Variants in AGO2 observed in about 807,000 individuals in gnomAD.
The protein encoded by AGO2 is argonaute RISC catalytic component 2, also known as protein argonaute-2.
AGO2 carries 5 observed loss-of-function variants against 102.3 expected under a neutral mutation model. The observed-to-expected ratio is 0.05, with a 90% CI of 0.03 to 0.10. The LOEUF is 0.10. Among genes scored for constraint, AGO2 ranks in the 10% least tolerant of loss-of-function variants. The probability of loss-of-function intolerance (pLI) is 1.00; values close to 1 mark genes in which losing one functional copy is unlikely to be tolerated. For synonymous variants in AGO2, 449 were observed against 473.1 expected (o/e 0.95, Z 0.66); for missense variants, 541 against 1,183.7 (o/e 0.46, Z 7.97).
rs1456020889 is a variant in AGO2, at chr8:140,552,477, C to T, written c.1270-1041G>A. 3.3e-5 allele frequency among the ~76,000 whole-genome samples: 5 copies of T among 152,262 alleles called. No homozygotes were observed. The East Asian group carries it at 7.7e-4, about 24-fold the overall frequency. On this transcript the variant is annotated intron_variant, in intron 10 of 18. Transcript: ENST00000220592. The stretch of plus-strand genomic sequence containing the variant: ...AAGGATGCGGCTGTGCCTGGGCTGC[C>T]GTCATTTACTCTGGAGAGGTTTTTG...
chr8:140,551,778 G>A (rs1183311424), intron 10 of AGO2, among the ~76,000 whole-genome samples: 1 of 151,530 alleles, frequency 6.6e-6, no homozygotes, highest in African/African-American at 2.4e-5. Context: ...CGGTGGATAA[G>A]ATGGGTGGGT....
intron 2 of AGO2, among the ~76,000 whole-genome samples, chr8:140,578,699 C>T (rs764248557): frequency 3.3e-5 from 5 of 152,208 alleles, no homozygotes; most frequent in Non-Finnish European, 5.9e-5. Flanking sequence ...CATGTTGAAA[C>T]GAAGGAAAAG....
At chr8:140,563,957 A>C (rs768583536) in intron 3 of AGO2, among the ~76,000 whole-genome samples, 1 of 152,152 alleles carries the variant, frequency 6.6e-6, no homozygotes, top group Non-Finnish European at 1.5e-5. Context: ...TCACCTGCAC[A>C]CCTGGGTCCC....
At position 140,522,708 on chromosome 8, in the gene AGO2, G is replaced by A. The variant is rs2072436135; in HGVS notation, c.*9336C>T. 1 of 128,278 alleles carries A rather than the reference G, an allele frequency of 7.8e-6. No homozygotes were observed. The highest frequency in any genetic ancestry group is 1.7e-5 in the Non-Finnish European group (1 of 59,316). 7.9% of individuals were successfully genotyped at this position (128,278 alleles called of 1,614,324 possible). On this transcript the variant is annotated 3_prime_UTR_variant, in exon 19 of 19. Transcript: ENST00000220592. Reference sequence around the variant, plus strand: ...ACAGAGACAGAGACAGAGAGAGGGAGGGGGAGGGGGGAGAGGGGGAGAGAG... The same window carrying A: ...ACAGAGACAGAGACAGAGAGAGGGAAGGGGAGGGGGGAGAGGGGGAGAGAG...
chr8:140,598,212 A>C (rs1007114252), intron 1 of AGO2, among the ~76,000 whole-genome samples: 1 of 152,232 alleles, frequency 6.6e-6, no homozygotes, highest in Non-Finnish European at 1.5e-5. Context: ...AAGATGTCTG[A>C]ACCCCGAGAC....
rs77615474 is a variant in AGO2, at chr8:140,540,648, T to C, written c.2034+516A>G. Among the ~76,000 whole-genome samples the C allele has an allele frequency of 0.018, 2,688 of 152,274 alleles. 42 individuals carry two copies. The highest frequency in any genetic ancestry group is 0.026 in the Non-Finnish European group (1,752 of 67,998). ...CCTGTCCAGACTCAGCAGTGACCCA[T>C]TGTGGCCGTCCCTCTCTCTACATCC... is the stretch of plus-strand genomic sequence containing the variant. On this transcript the variant is annotated intron_variant, in intron 15 of 18. Coordinates refer to ENST00000220592, the MANE Select transcript of AGO2 (RefSeq NM_012154.5). This position sits in a 1 kb window ranked among gnomAD's most constrained non-coding sequence, Gnocchi z 5.0.
rs2072920711 is a variant in AGO2 at position 140,547,446 on chromosome 8, A to G, written c.1748+22T>C. The G allele has an allele frequency of 1.9e-6, 3 of 1,610,550 alleles. No individual in the cohort carries two copies. The East Asian group carries it at 6.7e-5, about 36-fold the overall frequency. On this transcript the variant is annotated intron_variant, in intron 13 of 18. Coordinates refer to ENST00000220592, the MANE Select transcript of AGO2 (RefSeq NM_012154.5). ...CCACTGTGCCCTGGTCCGCAGGCGG[A>G]GGTAAAGGGGCCGGGCCTCACCTGC...
chr8:140,541,519 AG>A (rs1175181956), intron 14 of AGO2, 161 bp from the exon 15 acceptor site: 2 of 642,668 alleles, frequency 3.1e-6, no homozygotes, highest in African/African-American at 3.7e-5. Flanking sequence ...CTCAGCCTTT[AG>A]GCTTTTGGTG....
intron 11 of AGO2, among the ~76,000 whole-genome samples, chr8:140,550,221 C>A (rs897556319): frequency 6.6e-6 from 1 of 152,252 alleles, no homozygotes; most frequent in African/African-American, 2.4e-5. Flanking sequence ...AAGACGTCAG[C>A]TCTGAGGGCC....
chr8:140,521,012 A>C lies in AGO2; in HGVS notation c.*11032T>G, dbSNP rs1297235748. The stretch of plus-strand genomic sequence containing the variant: ...TTTCAACAGTCTATTGGGGTCCAAA[A>C]AGCATATATCAAAACAAAAATAACA... On this transcript the variant is annotated 3_prime_UTR_variant, in exon 19 of 19. Coordinates refer to ENST00000220592, the MANE Select transcript of AGO2 (RefSeq NM_012154.5). The C allele has an allele frequency of 6.6e-6, 1 of 152,204 alleles. No individual in the cohort carries two copies. Among genetic ancestry groups the C allele is most frequent in the Admixed American group, 6.5e-5 (1 of 15,282 alleles). The allele number at this position is 152,204 out of a possible 1,614,324, so 9.4% of individuals were successfully genotyped here. A position where few individuals can be genotyped will look rare whatever the true frequency, so the allele number is the denominator to read the frequency against.
chr8:140,561,261 G>A (rs1335446497), intron 4 of AGO2, among the ~76,000 whole-genome samples: 3 of 152,240 alleles, frequency 2.0e-5, no homozygotes, highest in Non-Finnish European at 2.9e-5. Flanking sequence ...GGGAAAACAC[G>A]CTGTGAGCCT....
In AGO2 at chr8:140,525,267, A is replaced by C. The variant is rs570927739; in HGVS notation, c.*6777T>G. The C allele has an allele frequency of 1.3e-5, 2 of 152,348 alleles. No individual in the cohort carries two copies. The highest frequency in any genetic ancestry group is 2.9e-5 in the Non-Finnish European group (2 of 68,050). The allele number at this position is 152,348 out of a possible 1,614,324, so 9.4% of individuals were successfully genotyped here. A position where few individuals can be genotyped will look rare whatever the true frequency, so the allele number is the denominator to read the frequency against. On this transcript the variant is annotated 3_prime_UTR_variant, in exon 19 of 19. Coordinates refer to ENST00000220592, the MANE Select transcript of AGO2 (RefSeq NM_012154.5). ...AGCATTCCGGAGATGCGCGTGCAGG[A>C]AGCTTGCGGTGGATCTGCGTGCTGC...
At chr8:140,570,352 A>C (rs2132970060) in intron 3 of AGO2, among the ~76,000 whole-genome samples, 1 of 151,950 alleles carries the variant, frequency 6.6e-6, no homozygotes, top group African/African-American at 2.4e-5. Flanking sequence ...CAGCCTCCCA[A>C]GTAGCTGTGA....
chr8:140,570,864 A>G (rs71514685), intron 3 of AGO2, among the ~76,000 whole-genome samples: 3,981 of 152,304 alleles, frequency 0.026, 75 homozygotes, highest in South Asian at 0.038. Context: ...TCAAATTTAA[A>G]TATCAAATAC....
chr8:140,620,290 T>C (rs2074202562), intron 1 of AGO2, among the ~76,000 whole-genome samples: 1 of 152,188 alleles, frequency 6.6e-6, no homozygotes, highest in Non-Finnish European at 1.5e-5. Flanking sequence ...GTAAGAGGCC[T>C]GTAGCAATGC....
In AGO2 at chr8:140,562,629, C is replaced by A; in HGVS notation, c.342G>T (p.Glu114Asp). 1 of 1,613,370 alleles carries A rather than the reference C, an allele frequency of 6.2e-7. No individual in the cohort carries two copies. Among genetic ancestry groups the A allele is most frequent in the Non-Finnish European group, 8.5e-7 (1 of 1,179,780 alleles). Residue 114 changes from glutamate to aspartate, a missense_variant, in exon 4 of 19, where the codon GAG becomes GAT. Glu to Asp is a conservative substitution (Grantham distance 45). This residue lies in a region of AGO2 where 147 missense variants were observed against 204.1 expected (regional missense o/e 0.72). Transcript: ENST00000220592. The stretch of plus-strand genomic sequence containing the variant: ...CTTCTCCTGGCAGCGTGACCTCCAG[C>A]TCCACCTGCGAGGATCCAAGGCACA... Reference protein sequence around the residue: ...MPLPIGRDKVELEVTLPGEGK... With the variant: ...MPLPIGRDKVDLEVTLPGEGK...
intron 13 of AGO2, among the ~76,000 whole-genome samples, chr8:140,545,993 C>T (rs772493385): frequency 2.0e-5 from 3 of 152,202 alleles, no homozygotes; most frequent in Non-Finnish European, 4.4e-5. Flanking sequence ...GTGCACCTGC[C>T]GCCTGTACGA....
chr8:140,566,892 C>T (rs929417476), intron 3 of AGO2, among the ~76,000 whole-genome samples: 8 of 152,196 alleles, frequency 5.3e-5, no homozygotes, highest in African/African-American at 1.7e-4. Context: ...AGAAACAGCA[C>T]GTCCAGGTCA....
At chr8:140,588,892 T>C (rs966783597) in intron 1 of AGO2, among the ~76,000 whole-genome samples, 1 of 152,274 alleles carries the variant, frequency 6.6e-6, no homozygotes, top group African/African-American at 2.4e-5. Context: ...CCGTGTTCAC[T>C]GAATCGGCAT....
Sources: gnomAD v4.1 joint callset for allele counts (sites outside exome capture counted in the v4.1 genomes callset) on GRCh38, gnomAD v4.1.1 for gene constraint, gnomAD v4.1.1 regional missense constraint, Gnocchi (gnomAD v3.1) non-coding constraint, MANE v1.5 for transcripts, NCBI Gene and HGNC (gene_info 2026-07-23, HGNC 2026-07-21) for gene names.